POLE: variants seen among roughly 807,000 people sequenced by gnomAD.
POLE encodes DNA polymerase epsilon catalytic subunit A.
A neutral mutation model predicts 279.2 loss-of-function variants in POLE; 188 were observed. That is an observed-to-expected ratio of 0.67 (90% CI 0.60 to 0.76). The LOEUF is 0.76. Ranked by LOEUF, POLE falls within the 30% of genes least tolerant of loss-of-function variation. The pLI, the probability that POLE is intolerant of heterozygous loss-of-function variation, is 0.00. For synonymous variants in POLE, 1,214 were observed against 1,172.5 expected (o/e 1.04, Z -0.72); for missense variants, 2,703 against 3,016.7 (o/e 0.90, Z 2.44).
chr12:132,629,478 C>T lies in POLE; in HGVS notation c.6330+2837G>A, dbSNP rs535303751. On this transcript the variant is annotated intron_variant, in intron 45 of 48. Coordinates refer to ENST00000320574, the MANE Select transcript of POLE (RefSeq NM_006231.4). ...GACAGATCTTCTGGAGAACTCGCTGCAGCCTCTCCACCCGCACCTGTTGCC... is the reference window on the plus strand; with the variant it reads ...GACAGATCTTCTGGAGAACTCGCTGTAGCCTCTCCACCCGCACCTGTTGCC... Among the ~76,000 whole-genome samples the T allele has an allele frequency of 2.2e-4, 33 of 152,364 alleles. No individual in the cohort carries two copies. The South Asian group carries it at 6.8e-3, about 32-fold the overall frequency.
chr12:132,643,360 GA>G, intron 34 of POLE, 30 bp from the exon 35 acceptor site: 1 of 1,614,178 alleles, frequency 6.2e-7, no homozygotes, highest in Non-Finnish European at 8.5e-7. Context: ...CGTCACCCCA[GA>G]TGTGTGGGAG....
chr12:132,674,859 C>T (rs2043008897), intron 12 of POLE, among the ~76,000 whole-genome samples: 1 of 145,732 alleles, frequency 6.9e-6, no homozygotes, highest in Non-Finnish European at 1.5e-5. Flanking sequence ...CCCTCCCTTC[C>T]CTTCCTTCCC....
intron 1 of POLE, among the ~76,000 whole-genome samples, chr12:132,683,319 GGA>G (rs1235743496): frequency 1.3e-5 from 2 of 152,164 alleles, no homozygotes; most frequent in Admixed American, 6.5e-5. Context: ...GAAAGGGATG[GGA>G]GAGAGAGGGT....
chr12:132,668,561 C>G lies in POLE; in HGVS notation c.2027-59G>C. On this transcript the variant is annotated intron_variant, in intron 18 of 48. Transcript: ENST00000320574. This position sits in a 1 kb window ranked among gnomAD's most constrained non-coding sequence, Gnocchi z 4.0. ...GAGGCACAGACACACCGGCTTCCCA[C>G]CAAGTGGAGAAAGGCGGCCGACACT... 1 of 1,583,526 alleles carries G rather than the reference C, an allele frequency of 6.3e-7. No individual in the cohort carries two copies. Among genetic ancestry groups the G allele is most frequent in the Non-Finnish European group, 8.6e-7 (1 of 1,159,548 alleles).
At chr12:132,641,210 A>C in intron 39 of POLE, 1 of 387,664 alleles carries the variant, frequency 2.6e-6, no homozygotes, top group Non-Finnish European at 5.2e-6. Context: ...GGGTAATGCG[A>C]GTAGCTGCCC....
At chr12:132,655,021 C>T (rs2042502957) in intron 29 of POLE, among the ~76,000 whole-genome samples, 1 of 152,216 alleles carries the variant, frequency 6.6e-6, no homozygotes, top group South Asian at 2.1e-4. Flanking sequence ...TCCTGCCTCT[C>T]AGCCTTCCGA....
At chr12:132,638,801 TG>T (rs1428096136) in intron 40 of POLE, 4 of 295,864 alleles carry the variant, frequency 1.4e-5, no homozygotes, top group African/African-American at 2.1e-5. Flanking sequence ...TTCTTTCATA[TG>T]GCATGTCCTC....
chr12:132,638,696 T>C (rs1166674553), intron 40 of POLE: 1 of 182,766 alleles, frequency 5.5e-6, no homozygotes, highest in Admixed American at 5.4e-5. Context: ...GCCCCAGCAA[T>C]TACCCCACGG....
In POLE at chr12:132,676,629, T is replaced by C. The variant is rs1280169933; in HGVS notation, c.826A>G (p.Ile276Val). The change falls in exon 9 of 49, where the codon ATT (isoleucine) becomes GTT (valine). Residue 276 changes from isoleucine to valine, a missense_variant. Ile to Val is a conservative substitution (Grantham distance 29). This residue lies in a region of POLE where 1,011 missense variants were observed against 1,111.7 expected (regional missense o/e 0.91). Coordinates refer to ENST00000320574, the MANE Select transcript of POLE (RefSeq NM_006231.4). ...TTGAGGGGCAGTTTGGTCGTCTCAATGTCAAATGCCAAAACCACAGGGTCC... is the reference window on the plus strand; with the variant it reads ...TTGAGGGGCAGTTTGGTCGTCTCAACGTCAAATGCCAAAACCACAGGGTCC... ...RPDPVVLAFD[I>V]ETTKLPLKFP... The C allele has an allele frequency of 6.2e-7, 1 of 1,613,498 alleles. No homozygotes were observed. The highest frequency in any genetic ancestry group is 8.5e-7 in the Non-Finnish European group (1 of 1,179,502).
chr12:132,658,909 G>C (rs116875925), intron 26 of POLE, among the ~76,000 whole-genome samples: 2 of 29,708 alleles, frequency 6.7e-5, no homozygotes, highest in Non-Finnish European at 1.3e-4. Flanking sequence ...AAAAAAAAAA[G>C]AGCAGTTTCC....
rs1389319633 is a variant in POLE, at chr12:132,679,450, T to C, written c.578+47A>G. On this transcript the variant is annotated intron_variant, in intron 6 of 48. Transcript: ENST00000320574. ...TACGTGTTCCTGTCTCCTATCCATC[T>C]TGTCGTTCTGAACCGCTGATGCTTT... 1.9e-6 allele frequency: 3 copies of C among 1,565,850 alleles called. No homozygotes were observed. The Admixed American group carries it at 5.2e-5, about 27-fold the overall frequency.
chr12:132,626,645 A>G (rs2041845461), intron 45 of POLE, among the ~76,000 whole-genome samples: 1 of 152,202 alleles, frequency 6.6e-6, no homozygotes, highest in Admixed American at 6.5e-5. Context: ...GTACTAAGAA[A>G]CTACAGACCA....
At chr12:132,685,409 C>G (rs954165789) in intron 1 of POLE, among the ~76,000 whole-genome samples, 1 of 152,278 alleles carries the variant, frequency 6.6e-6, no homozygotes, top group African/African-American at 2.4e-5. Context: ...TTCATGACAA[C>G]CCCTACGAGG....
At chr12:132,625,998 T>G in intron 46 of POLE, 119 bp downstream of exon 46, 1 of 1,154,206 alleles carries the variant, frequency 8.7e-7, no homozygotes, top group Non-Finnish European at 1.2e-6. Flanking sequence ...CCAATCCATG[T>G]GAGTCAGAGG....
chr12:132,625,871 T>G, intron 46 of POLE, 101 bp from the exon 47 acceptor site: 1 of 1,486,616 alleles, frequency 6.7e-7, no homozygotes, highest in Non-Finnish European at 9.1e-7. Flanking sequence ...AAGCGCCTGG[T>G]GACGGGCGAG....
rs775174608 is a variant in POLE at position 132,664,435 on chromosome 12, A to G, written c.2496T>C (p.Ala832=). 2 of 1,614,078 alleles carry G rather than the reference A, an allele frequency of 1.2e-6. No homozygotes were observed. The highest frequency in any genetic ancestry group is 1.7e-6 in the Non-Finnish European group (2 of 1,180,016). ...TGGCCCCTGTGAAGCAGACGATGCC[A>G]GCCATCTCCATGGAGTACCAGCGAG... ...KGARWYSMEM[A]GIVCFTGANI... is the part of the protein sequence containing the mutation. Residue 832 remains alanine, a synonymous_variant, in exon 22 of 49, where the codon GCT becomes GCC. Transcript: ENST00000320574. The surrounding 1 kb of genome is among the most constrained non-coding windows in gnomAD (Gnocchi z 5.3).
intron 15 of POLE, 140 bp from the exon 16 acceptor site, chr12:132,672,462 C>A: frequency 9.8e-7 from 1 of 1,021,518 alleles, no homozygotes; most frequent in Admixed American, 2.0e-5. Flanking sequence ...CTGCAGTGCA[C>A]TGCCCTAAAG....
In POLE at chr12:132,639,972, CAAAACAAAACA is replaced by C. The variant is rs1386587808; in HGVS notation, c.5379-685_5379-675del. Among the ~76,000 whole-genome samples, 1 of 149,354 alleles carries C rather than the reference CAAAACAAAACA, an allele frequency of 6.7e-6. No individual in the cohort carries two copies. The highest frequency in any genetic ancestry group is 2.1e-4 in the South Asian group (1 of 4,802). ...AAAACAAAAACAAAACAAAACAAAA[CAAAACAAAACA>C]AAACAAAACAAAACATCACCATACC... On this transcript the variant is annotated intron_variant, in intron 39 of 48. Coordinates refer to ENST00000320574, the MANE Select transcript of POLE (RefSeq NM_006231.4). This position sits in a 1 kb window ranked among gnomAD's most constrained non-coding sequence, Gnocchi z 4.7.
At chr12:132,672,913 T>C (rs2042964255) in intron 14 of POLE, 74 bp from the exon 15 acceptor site, 1 of 1,319,546 alleles carries the variant, frequency 7.6e-7, no homozygotes, top group African/African-American at 1.5e-5. Context: ...TCCAGGAACC[T>C]AAGCTGAACT....
Sources: gnomAD v4.1 joint callset for allele counts (sites outside exome capture counted in the v4.1 genomes callset) on GRCh38, gnomAD v4.1.1 for gene constraint, gnomAD v4.1.1 regional missense constraint, Gnocchi (gnomAD v3.1) non-coding constraint, MANE v1.5 for transcripts, NCBI Gene and HGNC (gene_info 2026-07-23, HGNC 2026-07-21) for gene names.